The following BMP8A variants were observed in gnomAD, a reference collection of about 807,000 sequenced individuals.
BMP8A encodes the protein bone morphogenetic protein 8a.
BMP8A carries 14 observed loss-of-function variants against 36.8 expected under a neutral mutation model. The observed-to-expected ratio is 0.38, with a 90% confidence interval of 0.25 to 0.60. The LOEUF (loss-of-function observed/expected upper bound fraction) is 0.60, where lower values mean the gene tolerates loss of function less well. BMP8A is among the 20% of genes least tolerant of loss of function. The pLI, the probability that BMP8A is intolerant of heterozygous loss-of-function variation, is 0.63. For synonymous variants in BMP8A, 120 were observed against 237.7 expected (o/e 0.50, Z 4.55); for missense variants, 267 against 551.1 (o/e 0.48, Z 5.16).
chr1:39,502,718 A>G (rs1212160608), intron 1 of BMP8A, among the ~76,000 whole-genome samples: 1 of 152,234 alleles, frequency 6.6e-6, no homozygotes, highest in African/African-American at 2.4e-5. Context: ...CCCATAGAAT[A>G]AAATAAATAC....
intron 1 of BMP8A, among the ~76,000 whole-genome samples, chr1:39,498,187 T>C (rs1411152917): frequency 2.0e-5 from 3 of 152,132 alleles, no homozygotes; most frequent in Non-Finnish European, 4.4e-5. Flanking sequence ...CCTTTCCAGC[T>C]CTGACCAAAG....
At chr1:39,509,551 A>G (rs1645333040) in intron 1 of BMP8A, among the ~76,000 whole-genome samples, 2 of 152,024 alleles carry the variant, frequency 1.3e-5, no homozygotes, top group East Asian at 1.9e-4. Flanking sequence ...AGACAAGTTC[A>G]TTTTTCCTCC....
chr1:39,518,736 T>C (rs1278389878), intron 3 of BMP8A, among the ~76,000 whole-genome samples: 3 of 146,610 alleles, frequency 2.0e-5, no homozygotes, highest in Non-Finnish European at 1.5e-5. Context: ...GGGGAGCTTC[T>C]CCAGGCCTGC....
chr1:39,528,396 C>T lies in BMP8A; in HGVS notation c.*2598C>T, dbSNP rs916943436. 6.6e-6 allele frequency among the ~76,000 whole-genome samples: 1 copy of T among 152,166 alleles called. No individual in the cohort carries two copies. The highest frequency in any genetic ancestry group is 2.4e-5 in the African/African-American group (1 of 41,438). ...ACAGCCCAGGATGCATTCAAGGCTG[C>T]ACATCAGGAGCATAAATAAGGGTGG... is the stretch of plus-strand genomic sequence containing the variant. On this transcript the variant is annotated 3_prime_UTR_variant, in exon 7 of 7. Coordinates refer to ENST00000331593, the MANE Select transcript of BMP8A (RefSeq NM_181809.4).
chr1:39,498,790 G>C (rs1199248160), intron 1 of BMP8A, among the ~76,000 whole-genome samples: 1 of 151,986 alleles, frequency 6.6e-6, no homozygotes, highest in Non-Finnish European at 1.5e-5. Context: ...CCATGCACCC[G>C]GGGCTCTGGG....
At position 39,526,295 on chromosome 1, in the gene BMP8A, AT is replaced by A. The variant is rs1478789894; in HGVS notation, c.*499del. Among the ~76,000 whole-genome samples, 2 of 151,700 alleles carry A rather than the reference AT, an allele frequency of 1.3e-5. No homozygotes were observed. The highest frequency in any genetic ancestry group is 2.9e-5 in the Non-Finnish European group (2 of 67,972). On this transcript the variant is annotated 3_prime_UTR_variant, in exon 7 of 7. Transcript: ENST00000331593. ...ATTTGGTCCAGGGTGCAGTTAGCAT[AT>A]TAGAAAAAGAATAAGCTGGACATCC...
chr1:39,525,206 G>A (rs1430896987), intron 6 of BMP8A: 1 of 170,000 alleles, frequency 5.9e-6, no homozygotes, highest in African/African-American at 2.4e-5. Flanking sequence ...CCAGAGCCTG[G>A]GGAGGGAGGC....
intron 1 of BMP8A, among the ~76,000 whole-genome samples, chr1:39,501,404 G>A (rs1645252635): frequency 6.6e-6 from 1 of 152,052 alleles, no homozygotes; most frequent in South Asian, 2.1e-4. Flanking sequence ...TCTCACCCTG[G>A]AGTGCCATGG....
In BMP8A at chr1:39,491,678, G is replaced by A. The variant is rs1262935514; in HGVS notation, c.-314G>A. 1.3e-5 allele frequency: 2 copies of A among 157,102 alleles called. No homozygotes were observed. Among genetic ancestry groups the A allele is most frequent in the African/African-American group, 2.4e-5 (1 of 41,506 alleles). 9.7% of individuals were successfully genotyped at this position (157,102 alleles called of 1,614,324 possible). A position where few individuals can be genotyped will look rare whatever the true frequency, so the allele number is the denominator to read the frequency against. On this transcript the variant is annotated 5_prime_UTR_variant, in exon 1 of 7. Coordinates refer to ENST00000331593, the MANE Select transcript of BMP8A (RefSeq NM_181809.4). ...GCCGGAGCTCGCCGGTCGCCCCTGC[G>A]CTGCGCGGACCGCAGCCACAGCCGG...
At position 39,492,005 on chromosome 1, in the gene BMP8A, C is replaced by A; in HGVS notation, c.14C>A (p.Pro5His). ...CCCCGGCCCGCCATGGCCGCGCGCC[C>A]CGGACCGCTCTGGCTTCTGGGCCTG... Reference protein sequence around the residue: MAARPGPLWLLGLTL... With the variant: MAARHGPLWLLGLTL... Residue 5 changes from proline (P) to histidine (H), a missense_variant, in exon 1 of 7, where the codon CCC becomes CAC. Around this residue, in one of 7 missense-constraint regions of BMP8A, gnomAD observed 56 missense variants for 74.1 expected, o/e 0.76. Coordinates refer to ENST00000331593, the MANE Select transcript of BMP8A (RefSeq NM_181809.4). 1 of 1,086,324 alleles carries A rather than the reference C, an allele frequency of 9.2e-7. No individual in the cohort carries two copies. The highest frequency in any genetic ancestry group is 1.1e-6 in the Non-Finnish European group (1 of 896,090). 67.3% of individuals were successfully genotyped at this position (1,086,324 alleles called of 1,614,324 possible).
At chr1:39,502,690 C>T (rs1244546901) in intron 1 of BMP8A, among the ~76,000 whole-genome samples, 4 of 152,170 alleles carry the variant, frequency 2.6e-5, no homozygotes, top group East Asian at 1.9e-4. Context: ...AAATAAATAA[C>T]AATAGTATTG....
intron 1 of BMP8A, among the ~76,000 whole-genome samples, chr1:39,510,864 G>T (rs1050648968): frequency 2.0e-5 from 3 of 152,162 alleles, no homozygotes; most frequent in African/African-American, 7.2e-5. Context: ...CTCATCTCTG[G>T]GTCCCAGGAC....
chr1:39,492,167 G>A lies in BMP8A; in HGVS notation c.176G>A (p.Arg59Gln), dbSNP rs1303883284. 14 of 1,309,828 alleles carry A rather than the reference G, an allele frequency of 1.1e-5. No homozygotes were observed. The highest frequency in any genetic ancestry group is 9.9e-5 in the East Asian group (3 of 30,426). The allele number at this position is 1,309,828 out of a possible 1,614,324, so 81.1% of individuals were successfully genotyped here. The change falls in exon 1 of 7, where the codon CGG becomes CAG. Residue 59 changes from arginine to glutamine, a missense_variant. By Grantham distance (43) the Arg-to-Gln change is conservative. Coordinates refer to ENST00000331593, the MANE Select transcript of BMP8A (RefSeq NM_181809.4). ...LAVLGLPGRPRPRAPPAASRL... is the reference protein window; with the variant it reads ...LAVLGLPGRPQPRAPPAASRL... ...GTGCTCGGGCTACCCGGGCGGCCCC[G>A]GCCCCGCGCGCCACCCGCCGCCTCC...
chr1:39,509,580 C>T (rs1360718693), intron 1 of BMP8A, among the ~76,000 whole-genome samples: 12 of 152,128 alleles, frequency 7.9e-5, no homozygotes, highest in Non-Finnish European at 1.6e-4. Context: ...CTGGGATGAG[C>T]GGCCACCTCC....
At chr1:39,494,338 CTTTT>C (rs1441875940) in intron 1 of BMP8A, among the ~76,000 whole-genome samples, 1 of 145,954 alleles carries the variant, frequency 6.9e-6, no homozygotes, top group African/African-American at 2.7e-5. Context: ...TTCTTTCTTT[CTTTT>C]TTCTTTTTTC....
At position 39,529,547 on chromosome 1, in the gene BMP8A, C is replaced by CA. The variant is rs1645515047; in HGVS notation, c.*3752dup. 6.6e-6 allele frequency among the ~76,000 whole-genome samples: 1 copy of CA among 152,210 alleles called. No individual in the cohort carries two copies. Among genetic ancestry groups the CA allele is most frequent in the South Asian group, 2.1e-4 (1 of 4,828 alleles). On this transcript the variant is annotated 3_prime_UTR_variant, in exon 7 of 7. Coordinates refer to ENST00000331593, the MANE Select transcript of BMP8A (RefSeq NM_181809.4). Reference sequence around the variant, plus strand: ...CCTTTCCTTACTGAAAAGTCTTGAGCAAACAGTTGCCGCTCTCCACCCCCT... The same window carrying CA: ...CCTTTCCTTACTGAAAAGTCTTGAGCAAAACAGTTGCCGCTCTCCACCCCCT...
intron 6 of BMP8A, chr1:39,523,729 T>C: frequency 2.2e-6 from 3 of 1,340,316 alleles, no homozygotes; most frequent in Admixed American, 3.6e-5. Flanking sequence ...TCTGATGGGA[T>C]CACTGGTGCT....
intron 6 of BMP8A, among the ~76,000 whole-genome samples, 195 bp downstream of exon 6, chr1:39,523,312 A>G (rs1645448668): frequency 6.6e-6 from 1 of 152,104 alleles, no homozygotes; most frequent in East Asian, 1.9e-4. Flanking sequence ...ACTACTACAC[A>G]TAGACCCACA....
intron 1 of BMP8A, among the ~76,000 whole-genome samples, chr1:39,497,870 G>C (rs980107990): frequency 2.0e-5 from 3 of 152,194 alleles, no homozygotes; most frequent in Admixed American, 2.0e-4. Flanking sequence ...CTGTCTGTGT[G>C]GGGGCCAACA....
Sources: allele counts gnomAD v4.1 joint callset (sites outside exome capture counted in the v4.1 genomes callset), GRCh38; gene constraint gnomAD v4.1.1; regional missense constraint gnomAD v4.1.1; transcripts MANE v1.5; gene names NCBI Gene and HGNC (gene_info 2026-07-23, HGNC 2026-07-21).